The following FERMT2 variants were observed in gnomAD, a reference collection of about 807,000 sequenced individuals.
The protein encoded by FERMT2 is FERM domain containing kindlin 2, also known as fermitin family homolog 2.
In FERMT2, 15 loss-of-function variants were observed where a neutral mutation model predicts 82.7. The ratio of observed to expected loss-of-function variants is 0.18; its 90% confidence interval spans 0.12 to 0.28. The LOEUF (loss-of-function observed/expected upper bound fraction) is 0.28. Among genes scored for constraint, FERMT2 ranks in the 10% least tolerant of loss-of-function variants. The pLI is 1.00. For synonymous variants in FERMT2, 274 were observed against 271.5 expected, an observed-to-expected ratio of 1.01 and a Z score of -0.09; for missense variants, 645 against 809.4, an observed-to-expected ratio of 0.80 and a Z score of 2.46.
chr14:52,858,719 A>C lies in FERMT2; in HGVS notation c.1870-169T>G, dbSNP rs780675333. 44 of 577,840 alleles carry C rather than the reference A, an allele frequency of 7.6e-5. 3 individuals carry two copies. Among genetic ancestry groups the C allele is most frequent in the South Asian group, 5.2e-4 (19 of 36,200 alleles). The allele number at this position is 577,840 out of a possible 1,614,324, so 35.8% of individuals were successfully genotyped here. ...ATAATGCCTTTAAGTCCCAAAGAAG[A>C]AGCTAAGTTTATTGCCCTTCCCCTA... On this transcript the variant is annotated intron_variant, in intron 14 of 14. Coordinates refer to ENST00000341590, the MANE Select transcript of FERMT2 (RefSeq NM_006832.3).
chr14:52,888,705 G>A (rs928957280), intron 4 of FERMT2, among the ~76,000 whole-genome samples: 6 of 152,072 alleles, frequency 3.9e-5, no homozygotes, highest in Non-Finnish European at 5.9e-5. Flanking sequence ...TGGTTTCCAG[G>A]CAACAAAACC....
At position 52,881,297 on chromosome 14, in the gene FERMT2, C is replaced by T. The variant is rs1171124156; in HGVS notation, c.699G>A (p.Leu233=). 6.2e-7 allele frequency: 1 copy of T among 1,613,808 alleles called. No homozygotes were observed. The highest frequency in any genetic ancestry group is 2.2e-5 in the East Asian group (1 of 44,856). ...GAGCTTGAGGCTTGAACATTTTTGC[C>T]AAGATTTCTGGTGACGTGATTGGTT... The part of the protein sequence containing the change: ...VSQPITSPEI[L]AKMFKPQALL... Residue 233 remains leucine, a synonymous_variant, in exon 5 of 15, where the codon TTG becomes TTA. Transcript: ENST00000341590.
At chr14:52,887,664 A>T (rs1886690706) in intron 4 of FERMT2, among the ~76,000 whole-genome samples, 1 of 148,034 alleles carries the variant, frequency 6.8e-6, no homozygotes, top group South Asian at 2.1e-4. Flanking sequence ...CCTGTCTCTT[A>T]AAAAAAAAAG....
chr14:52,909,093 G>A (rs1230805216), intron 3 of FERMT2, among the ~76,000 whole-genome samples: 1 of 152,192 alleles, frequency 6.6e-6, no homozygotes. Context: ...CTTCTGGGAT[G>A]TTCTGCTTTG....
rs1884684531 is a variant in FERMT2, at chr14:52,858,180, C to CAAGTT, written c.*192_*196dup. ...GGCCCTAAGGAATGTGTGACAAATT[C>CAAGTT]AAGTTTATTATATCATAACATGATA... On this transcript the variant is annotated 3_prime_UTR_variant, in exon 15 of 15. Transcript: ENST00000341590. 9.7e-6 allele frequency: 5 copies of CAAGTT among 515,970 alleles called. No homozygotes were observed. The highest frequency in any genetic ancestry group is 1.7e-5 in the Non-Finnish European group (5 of 290,434). The allele number at this position is 515,970 out of a possible 1,614,324, so 32.0% of individuals were successfully genotyped here. A position where few individuals can be genotyped will look rare whatever the true frequency, so the allele number is the denominator to read the frequency against.
At chr14:52,946,471 A>G (rs1354618993) in intron 2 of FERMT2, among the ~76,000 whole-genome samples, 1 of 151,994 alleles carries the variant, frequency 6.6e-6, no homozygotes, top group African/African-American at 2.4e-5. Context: ...TGGGCAACAA[A>G]GCAAGACCCA....
At chr14:52,925,929 C>T (rs902434638) in intron 2 of FERMT2, among the ~76,000 whole-genome samples, 1 of 152,158 alleles carries the variant, frequency 6.6e-6, no homozygotes, top group South Asian at 2.1e-4. Flanking sequence ...CAGGCATGAG[C>T]CACCGCGCCC....
intron 3 of FERMT2, among the ~76,000 whole-genome samples, chr14:52,897,002 ACACAC>A: frequency 4.5e-4 from 1 of 2,244 alleles, no homozygotes; most frequent in Non-Finnish European, 0.01. Flanking sequence ...CAAATAAAAC[ACACAC>A]ACACACACAC....
chr14:52,885,002 G>A (rs201468154), intron 4 of FERMT2, among the ~76,000 whole-genome samples: 8 of 149,302 alleles, frequency 5.4e-5, no homozygotes, highest in Non-Finnish European at 1.0e-4. Flanking sequence ...ACTGTGTTTC[G>A]AAAAATAAAA....
chr14:52,875,695 A>G (rs1375742713), intron 7 of FERMT2, among the ~76,000 whole-genome samples: 2 of 151,924 alleles, frequency 1.3e-5, no homozygotes, highest in Non-Finnish European at 2.9e-5. Flanking sequence ...CTGTGTCTAT[A>G]ACAGGGCCTG....
At position 52,859,593 on chromosome 14, in the gene FERMT2, C is replaced by T. The variant is rs1345444523; in HGVS notation, c.1849G>A (p.Val617Ile). The change falls in exon 14 of 15, where the codon GTC becomes ATC. Residue 617 changes from valine (V) to isoleucine (I), a missense_variant. Physicochemically the swap from Val to Ile is conservative, Grantham distance 29. Coordinates refer to ENST00000341590, the MANE Select transcript of FERMT2 (RefSeq NM_006832.3). ...TTTACCATTTTGATTTCCCAGTTGACATTCCACTGTTTCATGTTGCTGAAA... is the reference window on the plus strand; with the variant it reads ...TTTACCATTTTGATTTCCCAGTTGATATTCCACTGTTTCATGTTGCTGAAA... ...WRFSNMKQWN[V>I]NWEIKMVTVE... 6.2e-7 allele frequency: 1 copy of T among 1,608,164 alleles called. No individual in the cohort carries two copies. The highest frequency in any genetic ancestry group is 8.5e-7 in the Non-Finnish European group (1 of 1,177,006).
intron 3 of FERMT2, among the ~76,000 whole-genome samples, chr14:52,897,992 A>AC (rs1334481903): frequency 6.7e-6 from 1 of 149,308 alleles, no homozygotes; most frequent in Non-Finnish European, 1.5e-5. Context: ...AAAAAAAAAA[A>AC]AACAACCAAA....
intron 8 of FERMT2, among the ~76,000 whole-genome samples, 175 bp from the exon 9 acceptor site, chr14:52,874,401 G>A (rs555322198): frequency 6.6e-6 from 1 of 152,078 alleles, no homozygotes; most frequent in African/African-American, 2.4e-5. Context: ...ATTCTTCTTG[G>A]TACAAAGGCA....
chr14:52,869,119 C>A (rs1885459879), intron 10 of FERMT2, among the ~76,000 whole-genome samples: 1 of 152,100 alleles, frequency 6.6e-6, no homozygotes, highest in South Asian at 2.1e-4. Flanking sequence ...TTACGCTGGT[C>A]CTGGGCAGCT....
intron 3 of FERMT2, among the ~76,000 whole-genome samples, chr14:52,912,074 C>T (rs756408945): frequency 7.9e-5 from 12 of 151,642 alleles, no homozygotes; most frequent in Non-Finnish European, 1.2e-4. Context: ...CCTTCCCTGT[C>T]GTGCTGCCAG....
intron 9 of FERMT2, among the ~76,000 whole-genome samples, chr14:52,873,281 G>T (rs549591177): frequency 6.6e-6 from 1 of 152,232 alleles, no homozygotes; most frequent in Non-Finnish European, 1.5e-5. Flanking sequence ...CCTAGATCCT[G>T]TAATTACCTG....
intron 10 of FERMT2, among the ~76,000 whole-genome samples, chr14:52,868,157 A>AG (rs149222864): frequency 0.025 from 3,800 of 152,092 alleles, 160 homozygotes; most frequent in African/African-American, 0.087. Context: ...ATAGCTATTA[A>AG]GAAGTATTCA....
intron 2 of FERMT2, among the ~76,000 whole-genome samples, chr14:52,939,056 A>C (rs1292642199): frequency 1.3e-5 from 2 of 151,854 alleles, no homozygotes; most frequent in African/African-American, 4.8e-5. Context: ...AGAGTATGTC[A>C]GACCTATTTG....
chr14:52,925,981 T>A (rs536045578), intron 2 of FERMT2, among the ~76,000 whole-genome samples: 1 of 152,286 alleles, frequency 6.6e-6, no homozygotes, highest in South Asian at 2.1e-4. Flanking sequence ...AGTTATCTAG[T>A]GTATTACAGC....
Sources: gnomAD v4.1 joint callset for allele counts (sites outside exome capture counted in the v4.1 genomes callset) on GRCh38, gnomAD v4.1.1 for gene constraint, MANE v1.5 for transcripts, NCBI Gene and HGNC (gene_info 2026-07-23, HGNC 2026-07-21) for gene names.